The following TKFC variants were observed in gnomAD, a reference collection of about 807,000 sequenced individuals.
TKFC encodes triokinase and FMN cyclase, also known as triokinase/FMN cyclase.
Under a neutral mutation model 61.0 loss-of-function variants are expected in TKFC, and 46 were observed. That is an observed-to-expected ratio of 0.75 (90% CI 0.60 to 0.96). The LOEUF (loss-of-function observed/expected upper bound fraction) is 0.96, where lower values mean the gene tolerates loss of function less well. TKFC is among the 50% of genes least tolerant of loss of function. The pLI, the probability that TKFC is intolerant of heterozygous loss-of-function variation, is 0.00. For synonymous variants in TKFC, 314 were observed against 330.1 expected, an observed-to-expected ratio of 0.95 and a Z score of 0.53; for missense variants, 715 against 777.5, an observed-to-expected ratio of 0.92 and a Z score of 0.96.
Position 61,342,457 on chromosome 11 carries a change from G to T in TKFC, c.656-4G>T. The T allele has an allele frequency of 6.2e-7, 1 of 1,613,994 alleles. No individual in the cohort carries two copies. Among genetic ancestry groups the T allele is most frequent in the Non-Finnish European group, 8.5e-7 (1 of 1,180,030 alleles). On this transcript the variant is annotated splice_polypyrimidine_tract_variant and splice_region_variant and intron_variant, in intron 7 of 17. Coordinates refer to ENST00000394900, the MANE Select transcript of TKFC (RefSeq NM_015533.4). ...GGGTCAGCAGTGACCACATCTATCCGCAGGGATCCACGGGGAAGCTGGTGT... is the reference window on the plus strand; with the variant it reads ...GGGTCAGCAGTGACCACATCTATCCTCAGGGATCCACGGGGAAGCTGGTGT...
In TKFC at chr11:61,345,473, G is replaced by A. The variant is rs760548383; in HGVS notation, c.1359G>A (p.Leu453=). The change falls in exon 15 of 18, where the codon CTG becomes CTA. Residue 453 remains leucine, a synonymous_variant. Transcript: ENST00000394900. ...GTCATCTTCCCCAGCTCTATGGCCT[G>A]TTCCTGACTGCGGCTGCACAGCCCC... ...MGGSSGALYG[L]FLTAAAQPLK... 13 of 1,613,424 alleles carry A rather than the reference G, an allele frequency of 8.1e-6. No homozygotes were observed. In the South Asian group the frequency reaches 9.9e-5, roughly 12 times the overall value.
intron 5 of TKFC, 198 bp downstream of exon 5, chr11:61,339,633 CT>C: frequency 1.6e-6 from 1 of 617,914 alleles, no homozygotes; most frequent in Non-Finnish European, 2.8e-6. Context: ...GACTCGTCCC[CT>C]TTTCTTCTCC....
chr11:61,343,961 C>G lies in TKFC; in HGVS notation c.1088C>G (p.Ser363Cys), dbSNP rs757027470. 1.9e-6 allele frequency: 3 copies of G among 1,611,388 alleles called. No homozygotes were observed. Among genetic ancestry groups the G allele is most frequent in the African/African-American group, 2.7e-5 (2 of 74,938 alleles). ...GCCGAGCCCCAGGAGGCCCCTGATT[C>G]CACTGCTGCAGGAGGTACCAACCCC... ...APAEPQEAPDSTAAGGSASKR... is the reference protein window; with the variant it reads ...APAEPQEAPDCTAAGGSASKR... The change falls in exon 12 of 18, where the codon TCC becomes TGC. Residue 363 changes from serine to cysteine, a missense_variant. Coordinates refer to ENST00000394900, the MANE Select transcript of TKFC (RefSeq NM_015533.4).
rs774912795 is a variant in TKFC at position 61,344,168 on chromosome 11, G to C, written c.1135G>C (p.Glu379Gln). 3.7e-6 allele frequency: 6 copies of C among 1,612,378 alleles called. No individual in the cohort carries two copies. ...SASKRMALVL[E>Q]RVCSTLLGLE... Reference sequence around the variant, plus strand: ...CTCGAAGCGGATGGCGCTGGTGCTGGAACGGGTGTGCAGCACTCTCCTGGG... The same window carrying C: ...CTCGAAGCGGATGGCGCTGGTGCTGCAACGGGTGTGCAGCACTCTCCTGGG... Residue 379 changes from glutamate to glutamine, a missense_variant, in exon 13 of 18, where the codon GAA (glutamate) becomes CAA (glutamine). Physicochemically the swap from Glu to Gln is conservative, Grantham distance 29 (BLOSUM62 2). Transcript: ENST00000394900.
chr11:61,345,813 G>T (rs1426817937), intron 16 of TKFC, 44 bp from the exon 17 acceptor site: 1 of 1,614,130 alleles, frequency 6.2e-7, no homozygotes, highest in Non-Finnish European at 8.5e-7. Context: ...AGCACCCTCG[G>T]TTGCAGGGCC....
rs761846795 is a variant in TKFC, at chr11:61,341,347, A to C, written c.487-89A>C. On this transcript the variant is annotated intron_variant, in intron 5 of 17. Transcript: ENST00000394900. ...GAAAATCCTGAGGTTCCCCCTTCCCAACAAGAAATTCATCCCCTGCCTGTC... is the reference window on the plus strand; with the variant it reads ...GAAAATCCTGAGGTTCCCCCTTCCCCACAAGAAATTCATCCCCTGCCTGTC... 8.5e-5 allele frequency: 123 copies of C among 1,454,404 alleles called. No homozygotes were observed. The highest frequency in any genetic ancestry group is 3.4e-4 in the Middle Eastern group (2 of 5,840). The allele number at this position is 1,454,404 out of a possible 1,614,324, so 90.1% of individuals were successfully genotyped here. A position where few individuals can be genotyped will look rare whatever the true frequency, so the allele number is the denominator to read the frequency against.
At chr11:61,341,096 G>A (rs200366534) in intron 5 of TKFC, among the ~76,000 whole-genome samples, 2 of 152,048 alleles carry the variant, frequency 1.3e-5, no homozygotes, top group East Asian at 3.9e-4. Context: ...ACCCAAAATA[G>A]CAAGGCTATG....
intron 6 of TKFC, 99 bp from the exon 7 acceptor site, chr11:61,341,724 G>A (rs1337037969): frequency 1.5e-6 from 2 of 1,320,002 alleles, no homozygotes; most frequent in Non-Finnish European, 2.2e-6. Context: ...CAGAGAAGAG[G>A]GTACCTGTGG....
chr11:61,351,375 C>T (rs190571289), downstream of TKFC: 3,852 of 357,916 alleles, frequency 0.011, 58 homozygotes, highest in African/African-American at 0.042. Context: ...CTGCAAGCTC[C>T]GCCTCCTGGG....
chr11:61,333,699 A>C (rs1423891243), intron 1 of TKFC: 1 of 152,034 alleles, frequency 6.6e-6, no homozygotes, highest in African/African-American at 2.4e-5. Context: ...ACAAATTCGA[A>C]CCTCAAACAC....
intron 13 of TKFC, 95 bp downstream of exon 13, chr11:61,344,368 T>G: frequency 2.7e-6 from 4 of 1,458,486 alleles, no homozygotes; most frequent in Non-Finnish European, 3.6e-6. Context: ...CCTTTTTTTT[T>G]TTTTTTTTTT....
intron 2 of TKFC, 24 bp downstream of exon 2, chr11:61,334,755 G>A (rs1856532581): frequency 5.6e-6 from 9 of 1,614,018 alleles, no homozygotes; most frequent in Non-Finnish European, 7.6e-6. Context: ...GGCCGGGACG[G>A]GAATGGCAGC....
chr11:61,343,331 T>C lies in TKFC; in HGVS notation c.866-11T>C. ...TTTTCCCTTTTGGACTGCCACACTC[T>C]GGTATTGCAGAGGGCCGCGGGGTGA... On this transcript the variant is annotated splice_polypyrimidine_tract_variant and intron_variant, in intron 10 of 17. Coordinates refer to ENST00000394900, the MANE Select transcript of TKFC (RefSeq NM_015533.4). 2 of 1,612,364 alleles carry C rather than the reference T, an allele frequency of 1.2e-6. No individual in the cohort carries two copies. Among genetic ancestry groups the C allele is most frequent in the Non-Finnish European group, 1.7e-6 (2 of 1,178,514 alleles).
downstream of TKFC, chr11:61,352,180 C>T (rs1367200219): frequency 6.6e-6 from 1 of 152,248 alleles, no homozygotes; most frequent in Non-Finnish European, 1.5e-5. Context: ...CCCATTGCCT[C>T]AAAAGAACGG....
downstream of TKFC, chr11:61,352,843 A>G (rs755557977): frequency 9.4e-6 from 14 of 1,493,384 alleles, no homozygotes; most frequent in South Asian, 1.4e-4. Flanking sequence ...AGAAAGATCA[A>G]TTCTGTTACC....
Position 61,348,317 on chromosome 11 carries a change from C to G in TKFC, c.*1814C>G. On this transcript the variant is annotated 3_prime_UTR_variant, in exon 18 of 18. Transcript: ENST00000394900. ...TAAGGACACGCACATAAATGAGCTG[C>G]ATGTGAATCCACACATGCCATTCCA... 1 of 972,162 alleles carries G rather than the reference C, an allele frequency of 1.0e-6. No individual in the cohort carries two copies. Among genetic ancestry groups the G allele is most frequent in the Non-Finnish European group, 1.2e-6 (1 of 824,954 alleles). 60.2% of individuals were successfully genotyped at this position (972,162 alleles called of 1,614,324 possible). A position where few individuals can be genotyped will look rare whatever the true frequency, so the allele number is the denominator to read the frequency against.
chr11:61,353,283 GC>G (rs1381867718), downstream of TKFC: 7 of 1,061,002 alleles, frequency 6.6e-6, no homozygotes, highest in Non-Finnish European at 9.3e-6. Flanking sequence ...CCACTACCGT[GC>G]TAGCTTCCTC....
chr11:61,344,367 T>A (rs1857015724), intron 13 of TKFC, 94 bp downstream of exon 13: 3 of 1,455,410 alleles, frequency 2.1e-6, no homozygotes, highest in South Asian at 2.8e-5. Context: ...TCCTTTTTTT[T>A]TTTTTTTTTT....
intron 13 of TKFC, among the ~76,000 whole-genome samples, chr11:61,344,900 C>T (rs1565057197): frequency 6.6e-6 from 1 of 152,114 alleles, no homozygotes; most frequent in Non-Finnish European, 1.5e-5. Context: ...CAGTAGTGAA[C>T]AGAGCAGACA....
Sources: gnomAD v4.1 joint callset for allele counts (sites outside exome capture counted in the v4.1 genomes callset) on GRCh38, gnomAD v4.1.1 for gene constraint, MANE v1.5 for transcripts, NCBI Gene and HGNC (gene_info 2026-07-23, HGNC 2026-07-21) for gene names.